Variants in ZC3H12B observed in about 807,000 individuals in gnomAD.
ZC3H12B encodes probable ribonuclease ZC3H12B.
ZC3H12B carries 7 observed loss-of-function variants against 43.9 expected under a neutral mutation model. That is an observed-to-expected ratio of 0.16 (90% CI 0.09 to 0.30). ZC3H12B has a LOEUF of 0.30. Among genes scored for constraint, ZC3H12B ranks in the 10% least tolerant of loss-of-function variants. ZC3H12B has a pLI of 1.00. For missense variants in ZC3H12B, 475 were observed against 670.2 expected, an observed-to-expected ratio of 0.71 and a Z score of 3.22; for synonymous variants, 222 against 241.7, an observed-to-expected ratio of 0.92 and a Z score of 0.76.
chrX:65,438,322 C>T (rs944863020), intron 3 of ZC3H12B, among the ~76,000 whole-genome samples: 2 of 112,058 alleles, frequency 1.8e-5, no homozygotes, highest in African/African-American at 6.5e-5. Flanking sequence ...GTAGTATGGA[C>T]ATTTTCACAA....
At chrX:65,304,207 A>T in the ZC3H12B span, among the ~76,000 whole-genome samples, 1 of 112,269 alleles carries the variant, frequency 8.9e-6, no homozygotes, top group African/African-American at 3.2e-5. Context: ...TGAGTTCAGA[A>T]ATAGGCTTAC....
At chrX:65,167,019 T>C in the ZC3H12B span, among the ~76,000 whole-genome samples, 1 of 112,299 alleles carries the variant, frequency 8.9e-6, no homozygotes, top group Admixed American at 9.5e-5. Flanking sequence ...CGTAGTTTAT[T>C]TTGCTGTACA....
chrX:65,127,696 T>C, the ZC3H12B span, among the ~76,000 whole-genome samples: 5 of 111,058 alleles, frequency 4.5e-5, no homozygotes, highest in Non-Finnish European at 9.4e-5. Context: ...CATGGCTTTC[T>C]GTGGCTGCTG....
At chrX:65,169,727 G>T in the ZC3H12B span, among the ~76,000 whole-genome samples, 5 of 112,028 alleles carry the variant, frequency 4.5e-5, no homozygotes, top group African/African-American at 1.6e-4. Context: ...CCTGTATTGG[G>T]TGCATATATA....
At chrX:65,049,425 A>T in the ZC3H12B span, among the ~76,000 whole-genome samples, 15,946 of 110,667 alleles carry the variant, frequency 0.14, 2,744 homozygotes, top group African/African-American at 0.49. Flanking sequence ...TGTTAAAGAG[A>T]TTATCATTTT....
At chrX:65,113,985 GTA>G in the ZC3H12B span, among the ~76,000 whole-genome samples, 1,153 of 47,338 alleles carry the variant, frequency 0.024, 19 homozygotes, top group South Asian at 0.047. Flanking sequence ...AGATATGCTT[GTA>G]TATATATATA....
At chrX:65,048,898 G>C in the ZC3H12B span, among the ~76,000 whole-genome samples, 1 of 111,151 alleles carries the variant, frequency 9.0e-6, no homozygotes, top group South Asian at 3.7e-4. Context: ...ACTCATTTTG[G>C]TTTTGATTTG....
At chrX:65,466,915 A>AAT (rs58150008) in intron 3 of ZC3H12B, among the ~76,000 whole-genome samples, 260 of 23,735 alleles carry the variant, frequency 0.011, 10 homozygotes, top group Middle Eastern at 0.1. Context: ...TATAAAACCA[A>AAT]ATATATATAT....
At chrX:65,456,591 G>A (rs1159238050) in intron 3 of ZC3H12B, among the ~76,000 whole-genome samples, 75 of 105,253 alleles carry the variant, frequency 7.1e-4, no homozygotes, top group Admixed American at 1.7e-3. Context: ...GGCGCGCGCC[G>A]CCACGCCTGA....
chrX:65,377,182 A>T (rs933295975), intron 2 of ZC3H12B, among the ~76,000 whole-genome samples: 2 of 108,633 alleles, frequency 1.8e-5, no homozygotes, highest in East Asian at 5.8e-4. Flanking sequence ...AAATTAGTGG[A>T]CTTGAAGGTA....
At chrX:65,341,450 C>T in the ZC3H12B span, among the ~76,000 whole-genome samples, 1 of 111,382 alleles carries the variant, frequency 9.0e-6, no homozygotes, top group African/African-American at 3.3e-5. Context: ...ATGTTAAAGT[C>T]AGCTATAGAG....
At chrX:65,149,812 TAATAAA>T in the ZC3H12B span, among the ~76,000 whole-genome samples, 2 of 84,330 alleles carry the variant, frequency 2.4e-5, no homozygotes, top group Non-Finnish European at 4.5e-5. Flanking sequence ...ATAATAATAA[TAATAAA>T]TAAAAGTAAA....
the ZC3H12B span, among the ~76,000 whole-genome samples, chrX:65,145,082 CTAT>C: frequency 9.0e-6 from 1 of 111,293 alleles, no homozygotes; most frequent in Non-Finnish European, 1.9e-5. Context: ...ATGTCCCTCA[CTAT>C]TATTATGTTG....
At chrX:65,333,331 T>G in the ZC3H12B span, among the ~76,000 whole-genome samples, 1 of 112,163 alleles carries the variant, frequency 8.9e-6, no homozygotes, top group African/African-American at 3.2e-5. Context: ...AAATAGATTC[T>G]TATTGTACTT....
chrX:65,262,497 T>C, the ZC3H12B span, among the ~76,000 whole-genome samples: 1 of 111,752 alleles, frequency 8.9e-6, no homozygotes, highest in Non-Finnish European at 1.9e-5. Context: ...GGTGATGTTG[T>C]GTAACTTGTT....
chrX:65,183,276 G>T, the ZC3H12B span, among the ~76,000 whole-genome samples: 1 of 111,861 alleles, frequency 8.9e-6, no homozygotes, highest in Non-Finnish European at 1.9e-5. Flanking sequence ...AACATGGATG[G>T]AGTTGGGTAC....
chrX:65,063,346 G>GT, the ZC3H12B span, among the ~76,000 whole-genome samples: 1 of 111,831 alleles, frequency 8.9e-6, no homozygotes, highest in Non-Finnish European at 1.9e-5. Flanking sequence ...TCAGTGCCTA[G>GT]TTTATTGAGT....
chrX:65,351,152 C>G, the ZC3H12B span, among the ~76,000 whole-genome samples: 1 of 111,380 alleles, frequency 9.0e-6, no homozygotes, highest in African/African-American at 3.3e-5. Flanking sequence ...GAACAGAGGC[C>G]TCAGAAATAA....
At chrX:65,355,578 A>G in the ZC3H12B span, among the ~76,000 whole-genome samples, 2 of 111,750 alleles carry the variant, frequency 1.8e-5, no homozygotes, top group African/African-American at 6.5e-5. Flanking sequence ...AAATGACAAC[A>G]GTCTTCCAAA....
Sources: allele counts gnomAD v4.1 joint callset (sites outside exome capture counted in the v4.1 genomes callset), GRCh38; gene constraint gnomAD v4.1.1; transcripts MANE v1.5; gene names NCBI Gene and HGNC (gene_info 2026-07-23, HGNC 2026-07-21).